The following RALYL variants were observed in gnomAD, a reference collection of about 807,000 sequenced individuals.
RALYL encodes RNA-binding Raly-like protein.
A neutral mutation model predicts 35.1 loss-of-function variants in RALYL; 29 were observed. That is an observed-to-expected ratio of 0.83 (90% CI 0.61 to 1.13). The LOEUF is 1.13. RALYL is among the 50% of genes most tolerant of loss of function. The probability of loss-of-function intolerance (pLI) is 0.00; values close to 1 mark genes in which losing one functional copy is unlikely to be tolerated. For missense variants in RALYL, 359 were observed against 360.4 expected (o/e 1.00, Z 0.03); for synonymous variants, 120 against 127.6 (o/e 0.94, Z 0.40).
In RALYL at chr8:84,490,228, C is replaced by T. The variant is rs374103022; in HGVS notation, c.-23-39071C>T. On this transcript the variant is annotated intron_variant, in intron 1 of 8. Transcript: ENST00000521268. ...ATTTTGAGCCTTTCATCTCACCCTGCCCATTAAAAAATTTTCTAAATTTGC... is the reference window on the plus strand; with the variant it reads ...ATTTTGAGCCTTTCATCTCACCCTGTCCATTAAAAAATTTTCTAAATTTGC... Among the ~76,000 whole-genome samples the T allele has an allele frequency of 1.4e-4, 22 of 151,818 alleles. 2 individuals are homozygous for T. The South Asian group carries it at 4.2e-3, about 29-fold the overall frequency.
intron 8 of RALYL, among the ~76,000 whole-genome samples, chr8:84,891,448 A>G (rs1218271769): frequency 1.3e-5 from 2 of 152,204 alleles, no homozygotes; most frequent in African/African-American, 4.8e-5. Context: ...AATATGTCTG[A>G]AAGAGCAAGG....
chr8:84,446,917 G>A (rs912362620), intron 1 of RALYL, among the ~76,000 whole-genome samples: 1 of 152,164 alleles, frequency 6.6e-6, no homozygotes. Flanking sequence ...AACCAAAACT[G>A]CAATAAAAAT....
intron 2 of RALYL, 67 bp from the exon 3 acceptor site, chr8:84,774,512 C>A (rs910778366): frequency 4.9e-6 from 5 of 1,012,238 alleles, no homozygotes; most frequent in Non-Finnish European, 7.4e-6. Flanking sequence ...AATAAAAGTT[C>A]ATGATTTACT....
chr8:84,873,451 A>C, intron 7 of RALYL, 54 bp downstream of exon 7: 2 of 1,105,744 alleles, frequency 1.8e-6, no homozygotes, highest in South Asian at 2.7e-5. Flanking sequence ...AAACGTTGTC[A>C]ATCACAGAAG....
At chr8:84,774,548 TAATC>T in intron 2 of RALYL, 27 bp from the exon 3 acceptor site, 1 of 1,411,900 alleles carries the variant, frequency 7.1e-7, no homozygotes, top group East Asian at 2.3e-5. Context: ...CGTATTTTCT[TAATC>T]AGTACTGTTT....
At chr8:84,650,267 C>T (rs867752266) in intron 2 of RALYL, among the ~76,000 whole-genome samples, 48 of 152,082 alleles carry the variant, frequency 3.2e-4, no homozygotes, top group South Asian at 4.2e-4. Flanking sequence ...ATTGAGTACC[C>T]TTTATTTCCT....
At chr8:84,481,034 T>A (rs2053987305) in intron 1 of RALYL, among the ~76,000 whole-genome samples, 1 of 152,188 alleles carries the variant, frequency 6.6e-6, no homozygotes, top group Non-Finnish European at 1.5e-5. Flanking sequence ...AAATACATAC[T>A]TTGTTATCAT....
At chr8:84,812,608 C>T (rs954179602) in intron 4 of RALYL, among the ~76,000 whole-genome samples, 2 of 152,140 alleles carry the variant, frequency 1.3e-5, no homozygotes, top group Admixed American at 6.5e-5. Flanking sequence ...CTTGCTGTGG[C>T]TGCTGTGGGG....
intron 2 of RALYL, among the ~76,000 whole-genome samples, chr8:84,755,810 C>T (rs1811254885): frequency 1.3e-5 from 2 of 151,598 alleles, no homozygotes; most frequent in Non-Finnish European, 2.9e-5. Context: ...CTTAATCATC[C>T]TTCATTGCAA....
chr8:84,556,514 A>G (rs2061132361), intron 2 of RALYL, among the ~76,000 whole-genome samples: 1 of 152,226 alleles, frequency 6.6e-6, no homozygotes. Context: ...AAAAAATAAA[A>G]TAAAACAAAA....
At chr8:84,336,105 A>G (rs1364585964) in intron 1 of RALYL, among the ~76,000 whole-genome samples, 2 of 152,144 alleles carry the variant, frequency 1.3e-5, no homozygotes, top group Non-Finnish European at 2.9e-5. Flanking sequence ...GGGATTGATT[A>G]CAATCTCTAT....
intron 3 of RALYL, among the ~76,000 whole-genome samples, chr8:84,781,509 A>G (rs1818161876): frequency 4.6e-5 from 7 of 152,216 alleles, no homozygotes; most frequent in Admixed American, 4.6e-4. Flanking sequence ...GAGTAGAGGT[A>G]GAGGGAGAAC....
intron 1 of RALYL, among the ~76,000 whole-genome samples, chr8:84,199,973 C>A (rs1474838551): frequency 6.6e-6 from 1 of 152,140 alleles, no homozygotes; most frequent in African/African-American, 2.4e-5. Flanking sequence ...TGTAGATCCT[C>A]TAATTTAATT....
chr8:84,549,123 C>A (rs2060550877), intron 2 of RALYL, among the ~76,000 whole-genome samples: 1 of 152,126 alleles, frequency 6.6e-6, no homozygotes, highest in Admixed American at 6.5e-5. Context: ...ACAGATACAG[C>A]TATGCTATGT....
chr8:84,693,040 C>T (rs1327084241), intron 2 of RALYL, among the ~76,000 whole-genome samples: 1 of 151,902 alleles, frequency 6.6e-6, no homozygotes, highest in African/African-American at 2.4e-5. Flanking sequence ...TGTCTAACTT[C>T]CAAGATCATC....
intron 5 of RALYL, among the ~76,000 whole-genome samples, chr8:84,857,184 A>C (rs558600723): frequency 6.6e-6 from 1 of 152,328 alleles, no homozygotes; most frequent in East Asian, 1.9e-4. Context: ...AGGTTGAATC[A>C]AGACATGGAG....
intron 1 of RALYL, among the ~76,000 whole-genome samples, chr8:84,210,376 AT>A (rs35997676): frequency 5.3e-5 from 8 of 149,850 alleles, no homozygotes; most frequent in Admixed American, 1.3e-4. Flanking sequence ...CTCAAATTGG[AT>A]TTTTTTTTTC....
intron 2 of RALYL, among the ~76,000 whole-genome samples, chr8:84,768,295 A>G (rs1358220704): frequency 1.3e-5 from 2 of 152,184 alleles, no homozygotes; most frequent in African/African-American, 2.4e-5. Context: ...TTGGCTTCCA[A>G]TGAAGCTGGA....
At chr8:84,828,147 A>G (rs1830102515) in intron 4 of RALYL, among the ~76,000 whole-genome samples, 1 of 152,158 alleles carries the variant, frequency 6.6e-6, no homozygotes, top group African/African-American at 2.4e-5. Flanking sequence ...CTGTGTATTT[A>G]GATATGTTTA....
Sources: allele counts gnomAD v4.1 joint callset (sites outside exome capture counted in the v4.1 genomes callset), GRCh38; gene constraint gnomAD v4.1.1; transcripts MANE v1.5; gene names NCBI Gene and HGNC (gene_info 2026-07-23, HGNC 2026-07-21).